Variants in NLRP9 observed in about 807,000 individuals in gnomAD.
NLRP9 encodes NACHT, LRR and PYD domains-containing protein 9.
Under a neutral mutation model 83.1 loss-of-function variants are expected in NLRP9, and 88 were observed. The observed-to-expected ratio is 1.06, with a 90% CI of 0.89 to 1.26. NLRP9 has a LOEUF of 1.26. Ranked by LOEUF, NLRP9 falls within the 50% of genes most tolerant of loss-of-function variation. The pLI is 0.00. For missense variants in NLRP9, 1,308 were observed against 1,179.3 expected (o/e 1.11, Z -1.60); for synonymous variants, 521 against 447.6 (o/e 1.16, Z -2.07).
At position 55,716,257 on chromosome 19, in the gene NLRP9, C is replaced by CTT. The variant is rs931275248; in HGVS notation, c.2330+469_2330+470dup. On this transcript the variant is annotated intron_variant, in intron 5 of 8. Coordinates refer to ENST00000332836, the MANE Select transcript of NLRP9 (RefSeq NM_176820.4). ...TGCAATTTTTAAATTTAAAAATTTT[C>CTT]TTTTTTTTTTTTTTTTTTTGAGATG... 5.1e-3 allele frequency among the ~76,000 whole-genome samples: 600 copies of CTT among 117,810 alleles called. 6 individuals are homozygous for CTT. The highest frequency in any genetic ancestry group is 7.8e-3 in the Non-Finnish European group (444 of 56,668). 77.3% of individuals were successfully genotyped at this position (117,810 alleles called of 152,430 possible).
chr19:55,720,125 T>C (rs1020948), intron 4 of NLRP9, among the ~76,000 whole-genome samples: 66,486 of 152,026 alleles, frequency 0.44, 16,095 homozygotes, highest in African/African-American at 0.65. Context: ...TGGTTTATAA[T>C]GATAACTACT....
In NLRP9 at chr19:55,729,939, T is replaced by C. The variant is rs147474770; in HGVS notation, c.1886A>G (p.Asn629Ser). 1.5e-4 allele frequency: 240 copies of C among 1,613,838 alleles called. 2 individuals carry two copies. The African/African-American group carries it at 2.7e-3, about 18-fold the overall frequency. The change falls in exon 3 of 9, where the codon AAC becomes AGC. Residue 629 changes from asparagine (N) to serine (S), a missense_variant. Transcript: ENST00000332836. ...WRELCSMFIT[N>S]KNFQILDMEN... Reference sequence around the variant, plus strand: ...CATGTCTAAAATCTGGAAGTTCTTGTTGGTAATGAACATTGAGCAAAGCTC... The same window carrying C: ...CATGTCTAAAATCTGGAAGTTCTTGCTGGTAATGAACATTGAGCAAAGCTC...
intron 4 of NLRP9, among the ~76,000 whole-genome samples, chr19:55,717,894 T>A (rs893372340): frequency 2.0e-5 from 3 of 152,338 alleles, no homozygotes; most frequent in South Asian, 4.1e-4. Context: ...CAGGGACAGA[T>A]GCTCCTGCAC....
chr19:55,714,154 C>A (rs1987917154), intron 6 of NLRP9, among the ~76,000 whole-genome samples: 1 of 151,864 alleles, frequency 6.6e-6, no homozygotes, highest in South Asian at 2.1e-4. Context: ...ATCTTCAGTT[C>A]CTAGCAGAGG....
At chr19:55,713,121 A>G (rs186120984) in intron 6 of NLRP9, among the ~76,000 whole-genome samples, 1 of 150,742 alleles carries the variant, frequency 6.6e-6, no homozygotes, top group East Asian at 2.0e-4. Context: ...TCCCTGGTTG[A>G]AATGCTCCTG....
chr19:55,735,775 C>T (rs1988769903), intron 1 of NLRP9, among the ~76,000 whole-genome samples: 1 of 152,020 alleles, frequency 6.6e-6, no homozygotes, highest in African/African-American at 2.4e-5. Flanking sequence ...GCAACTTCCA[C>T]CTCCCGGGTT....
At position 55,716,834 on chromosome 19, in the gene NLRP9, T is replaced by C. The variant is rs200161240; in HGVS notation, c.2224A>G (p.Ser742Gly). Reference protein sequence around the residue: ...EDIASVLACNSKLKHLSLVEN... With the variant: ...EDIASVLACNGKLKHLSLVEN... ...ACCAAGGAGAGGTGTTTCAGCTTGC[T>C]GTTGCAGGCCAGGACGGAGGCGATG... The change falls in exon 5 of 9, where the codon AGC becomes GGC. Residue 742 changes from serine to glycine, a missense_variant. By Grantham distance (56) the Ser-to-Gly change is moderately conservative. Coordinates refer to ENST00000332836, the MANE Select transcript of NLRP9 (RefSeq NM_176820.4). 1 of 1,613,978 alleles carries C rather than the reference T, an allele frequency of 6.2e-7. No homozygotes were observed.
intron 6 of NLRP9, 99 bp from the exon 7 acceptor site, chr19:55,712,689 G>C (rs1299560348): frequency 6.9e-5 from 55 of 793,900 alleles, no homozygotes; most frequent in Non-Finnish European, 9.7e-5. Flanking sequence ...AAATACCCAA[G>C]TAAATCTGAG....
chr19:55,737,043 G>T (rs1226999775), intron 1 of NLRP9, among the ~76,000 whole-genome samples: 1 of 152,074 alleles, frequency 6.6e-6, no homozygotes, highest in Non-Finnish European at 1.5e-5. Context: ...ACAATCATCA[G>T]AAACAAATGC....
chr19:55,716,907 G>A lies in NLRP9; in HGVS notation c.2160-9C>T. 2 of 1,612,182 alleles carry A rather than the reference G, an allele frequency of 1.2e-6. No individual in the cohort carries two copies. Among genetic ancestry groups the A allele is most frequent in the East Asian group, 4.5e-5 (2 of 44,842 alleles). On this transcript the variant is annotated splice_polypyrimidine_tract_variant and intron_variant, in intron 4 of 8. Transcript: ENST00000332836. ...TGTCACACTTTCCCAGTCTACATGT[G>A]AAACACACACCATGAGACGGACCAA...
Position 55,708,905 on chromosome 19 carries a change from TTCCCCA to T in NLRP9, c.*1_*6del, listed in dbSNP as rs1485530303. On this transcript the variant is annotated 3_prime_UTR_variant, in exon 9 of 9. Transcript: ENST00000332836. The stretch of plus-strand genomic sequence containing the variant: ...TTTGTGAGACGACTACTTCAGGGTG[TTCCCCA>T]TCAGAGGAGCACACCCCTGATCTTG... 5.2e-6 allele frequency: 8 copies of T among 1,532,820 alleles called. No individual in the cohort carries two copies. The highest frequency in any genetic ancestry group is 7.0e-6 in the Non-Finnish European group (8 of 1,148,474). The allele number at this position is 1,532,820 out of a possible 1,614,324, so 95.0% of individuals were successfully genotyped here.
chr19:55,712,384 T>TA lies in NLRP9; in HGVS notation c.2672+35dup, dbSNP rs758733168. ...CAGCAATTCCTATTCTTGAAATAGA[T>TA]AAATTTTCCTACGATGGTGATCAGT... is the stretch of plus-strand genomic sequence containing the variant. On this transcript the variant is annotated intron_variant, in intron 7 of 8. Coordinates refer to ENST00000332836, the MANE Select transcript of NLRP9 (RefSeq NM_176820.4). 10 of 1,564,140 alleles carry TA rather than the reference T, an allele frequency of 6.4e-6. No homozygotes were observed. In the Admixed American group the frequency reaches 1.4e-4, roughly 22 times the overall value.
In NLRP9 at chr19:55,732,886, G is replaced by C. The variant is rs748494782; in HGVS notation, c.945C>G (p.Ser315Arg). ...CAAAATTGAAGACTTTCAGGGCTTT[G>C]CTCTTCTCACCAAAGAAGTAGGAGA... Reference protein sequence around the residue: ...SYFSYFFGEKSKALKVFNFVR... With the variant: ...SYFSYFFGEKRKALKVFNFVR... The change falls in exon 2 of 9, where the codon AGC (serine) becomes AGG (arginine). Residue 315 changes from serine (S) to arginine (R), a missense_variant. By Grantham distance (110) the Ser-to-Arg change is moderately radical. Transcript: ENST00000332836. 2 of 1,613,984 alleles carry C rather than the reference G, an allele frequency of 1.2e-6. No individual in the cohort carries two copies. Among genetic ancestry groups the C allele is most frequent in the East Asian group, 4.5e-5 (2 of 44,888 alleles).
chr19:55,710,429 T>G (rs530580348), intron 8 of NLRP9, among the ~76,000 whole-genome samples: 5 of 152,136 alleles, frequency 3.3e-5, no homozygotes, highest in African/African-American at 1.2e-4. Context: ...CCCTAGACAT[T>G]CGTGATATGG....
chr19:55,714,104 TG>T (rs1428551537), intron 6 of NLRP9, among the ~76,000 whole-genome samples: 2 of 151,372 alleles, frequency 1.3e-5, no homozygotes, highest in Non-Finnish European at 2.9e-5. Context: ...GGAACAGGGA[TG>T]TTAGAATGCT....
At chr19:55,717,038 T>C (rs554980364) in intron 4 of NLRP9, 140 bp from the exon 5 acceptor site, 240 of 577,528 alleles carry the variant, frequency 4.2e-4, no homozygotes, top group East Asian at 7.0e-4. Context: ...TTTTTCTTTT[T>C]TTTTTTTTTT....
At chr19:55,724,274 C>T in intron 3 of NLRP9, 130 bp from the exon 4 acceptor site, 1 of 611,012 alleles carries the variant, frequency 1.6e-6, no homozygotes, top group South Asian at 2.3e-5. Context: ...CTGGTTACTC[C>T]TGCCAGTAAA....
chr19:55,728,634 C>A (rs1371450397), intron 3 of NLRP9, among the ~76,000 whole-genome samples: 2 of 152,170 alleles, frequency 1.3e-5, no homozygotes, highest in South Asian at 2.1e-4. Context: ...CAAGGACCAA[C>A]TTAGCAAACA....
intron 8 of NLRP9, chr19:55,709,873 GA>G (rs1373956455): frequency 6.6e-6 from 1 of 152,152 alleles, no homozygotes; most frequent in East Asian, 1.9e-4. Context: ...GGTAAGACTG[GA>G]ACATAGGCCT....
Sources: allele counts gnomAD v4.1 joint callset (sites outside exome capture counted in the v4.1 genomes callset), GRCh38; gene constraint gnomAD v4.1.1; transcripts MANE v1.5; gene names NCBI Gene and HGNC (gene_info 2026-07-23, HGNC 2026-07-21).